POLR2F: variants seen among roughly 807,000 people sequenced by gnomAD.
The protein encoded by POLR2F is RNA polymerase II, I and III subunit F, also known as DNA-directed RNA polymerases I, II, and III subunit RPABC2.
Under a neutral mutation model 22.7 loss-of-function variants are expected in POLR2F, and 12 were observed. That is an observed-to-expected ratio of 0.53 (90% CI 0.34 to 0.86). The LOEUF is 0.86. Ranked by LOEUF, POLR2F falls within the 40% of genes least tolerant of loss-of-function variation. POLR2F has a pLI of 0.02. For missense variants in POLR2F, 126 were observed against 171.5 expected (o/e 0.73, Z 1.48); for synonymous variants, 57 against 66.0 (o/e 0.86, Z 0.66).
intron 1 of POLR2F, among the ~76,000 whole-genome samples, chr22:37,995,903 G>A (rs1340593103): frequency 2.0e-5 from 3 of 152,118 alleles, no homozygotes; most frequent in East Asian, 1.9e-4. Flanking sequence ...GGGAAGCTGA[G>A]TGAGAGAATC....
downstream of POLR2F, chr22:37,974,097 C>T (rs767972523): frequency 8.1e-6 from 13 of 1,613,676 alleles, 1 homozygote; most frequent in African/African-American, 1.3e-5. This position sits in a 1 kb window ranked among gnomAD's most constrained non-coding sequence, Gnocchi z 5.4. Context: ...TGAGGCTTCC[C>T]GCCCTCCCCC....
At chr22:37,993,053 T>A (rs987617860) in intron 1 of POLR2F, among the ~76,000 whole-genome samples, 3 of 152,038 alleles carry the variant, frequency 2.0e-5, no homozygotes, top group Non-Finnish European at 2.9e-5. Context: ...GCATGAGGAT[T>A]AAGAGAGTGG....
chr22:38,029,310 T>C (rs2085044268), downstream of POLR2F, among the ~76,000 whole-genome samples: 1 of 152,196 alleles, frequency 6.6e-6, no homozygotes, highest in African/African-American at 2.4e-5. Flanking sequence ...TAGTGGAGGA[T>C]GACTTGGCTG....
At chr22:37,966,016 A>T (rs1297201459) in intron 3 of POLR2F, among the ~76,000 whole-genome samples, 4 of 152,122 alleles carry the variant, frequency 2.6e-5, no homozygotes, top group Non-Finnish European at 5.9e-5. Context: ...CTCCGTGGTG[A>T]ATCACATGTG....
chr22:38,023,172 G>C (rs756541257), intron 1 of POLR2F, among the ~76,000 whole-genome samples: 1 of 152,232 alleles, frequency 6.6e-6, no homozygotes, highest in Non-Finnish European at 1.5e-5. Context: ...GGTGCCTCCA[G>C]AGTGGTTTTC....
intron 1 of POLR2F, among the ~76,000 whole-genome samples, chr22:38,024,489 T>C (rs529616835): frequency 1.3e-5 from 2 of 152,112 alleles, no homozygotes; most frequent in Non-Finnish European, 2.9e-5. Context: ...TGGTTTTCGG[T>C]CTTAGGGATC....
rs141110859 is a variant in POLR2F, at chr22:38,016,416, C to A, written c.121-9453C>A. On this transcript the variant is annotated intron_variant, in intron 1 of 2. Coordinates refer to the POLR2F transcript ENST00000333418. This position sits in a 1 kb window ranked among gnomAD's most constrained non-coding sequence, Gnocchi z 4.4. ...GCTGCGCTTGACACACGCCCCCATC[C>A]GCCACCTCCCAGAGAAGGGACCATT... Among the ~76,000 whole-genome samples the A allele has an allele frequency of 1.3e-5, 2 of 152,224 alleles. No homozygotes were observed. Among genetic ancestry groups the A allele is most frequent in the Non-Finnish European group, 2.9e-5 (2 of 68,036 alleles).
chr22:38,037,054 G>C (rs992121524), intron 5 of POLR2F, among the ~76,000 whole-genome samples: 1 of 152,160 alleles, frequency 6.6e-6, no homozygotes, highest in Non-Finnish European at 1.5e-5. Context: ...ACTCATGGCT[G>C]CCTGATGTTA....
chr22:37,980,768 T>C lies in POLR2F; in HGVS notation c.293+13598T>C, dbSNP rs977153552. ...GGAATGGGGGCAAGAAGAGGTAGGCTGATTCCTCACCCAAACTGGAAACCC... is the reference window on the plus strand; with the variant it reads ...GGAATGGGGGCAAGAAGAGGTAGGCCGATTCCTCACCCAAACTGGAAACCC... On this transcript the variant is annotated intron_variant, in intron 4 of 4. Coordinates refer to the POLR2F transcript ENST00000405557. This position sits in a 1 kb window ranked among gnomAD's most constrained non-coding sequence, Gnocchi z 4.1. Among the ~76,000 whole-genome samples, 4 of 152,230 alleles carry C rather than the reference T, an allele frequency of 2.6e-5. No homozygotes were observed. Among genetic ancestry groups the C allele is most frequent in the Admixed American group, 6.5e-5 (1 of 15,278 alleles).
At position 37,986,222 on chromosome 22, in the gene POLR2F, A is replaced by G; in HGVS notation, c.32A>G (p.His11Arg). 1.9e-6 allele frequency: 3 copies of G among 1,541,944 alleles called. No homozygotes were observed. The South Asian group carries it at 3.6e-5, about 18-fold the overall frequency. Residue 11 changes from histidine to arginine, a missense_variant, in exon 1 of 3, where the codon CAT becomes CGT. Physicochemically the swap from His to Arg is conservative, Grantham distance 29. Coordinates refer to the POLR2F transcript ENST00000333418. The surrounding 1 kb of genome is among the most constrained non-coding windows in gnomAD (Gnocchi z 4.7). Reference sequence around the variant, plus strand: ...ATGGACAGAGGGACGAGGGACGAGCATCTGCCGTCGTGTCCCGGCTGCCCT... The same window carrying G: ...ATGGACAGAGGGACGAGGGACGAGCGTCTGCCGTCGTGTCCCGGCTGCCCT...
chr22:37,963,739 A>G (rs988384762), intron 3 of POLR2F, among the ~76,000 whole-genome samples: 3 of 152,234 alleles, frequency 2.0e-5, no homozygotes, highest in East Asian at 1.9e-4. Context: ...CTTATTTGCA[A>G]GTTAAACAGT....
upstream of POLR2F, chr22:37,983,577 C>T (rs765329363): frequency 3.1e-6 from 5 of 1,610,336 alleles, no homozygotes; most frequent in Non-Finnish European, 4.2e-6. This position sits in a 1 kb window ranked among gnomAD's most constrained non-coding sequence, Gnocchi z 9.5. Flanking sequence ...CGGATGCACA[C>T]GGGGAACTTG....
intron 1 of POLR2F, among the ~76,000 whole-genome samples, chr22:38,002,927 G>A (rs188275251): frequency 2.0e-5 from 3 of 152,120 alleles, no homozygotes; most frequent in East Asian, 1.9e-4. Flanking sequence ...GGGTTTCACC[G>A]TGTTAGCCAG....
chr22:38,020,027 A>G (rs530506723), intron 1 of POLR2F, among the ~76,000 whole-genome samples: 9 of 151,992 alleles, frequency 5.9e-5, no homozygotes, highest in Admixed American at 5.2e-4. Flanking sequence ...AAAAAAAGAA[A>G]AAACAAAACA....
intron 5 of POLR2F, among the ~76,000 whole-genome samples, chr22:38,034,012 C>A (rs886230175): frequency 2.0e-5 from 3 of 152,178 alleles, no homozygotes; most frequent in Non-Finnish European, 2.9e-5. Flanking sequence ...TCCCAGGGGT[C>A]AAGTGGCTGG....
chr22:38,019,385 C>T (rs2084941289), intron 1 of POLR2F, among the ~76,000 whole-genome samples: 1 of 152,168 alleles, frequency 6.6e-6, no homozygotes, highest in Non-Finnish European at 1.5e-5. Flanking sequence ...TACTGCCCAG[C>T]AGCTGGAGAC....
chr22:37,995,813 G>A (rs1049726255), intron 1 of POLR2F, among the ~76,000 whole-genome samples: 11 of 150,672 alleles, frequency 7.3e-5, no homozygotes, highest in South Asian at 2.1e-4. Flanking sequence ...TTATCATGGC[G>A]AAACCCCATC....
At chr22:38,034,650 T>TG (rs1007022787) in intron 5 of POLR2F, among the ~76,000 whole-genome samples, 4 of 151,884 alleles carry the variant, frequency 2.6e-5, no homozygotes, top group Non-Finnish European at 5.9e-5. Context: ...CTCTGTAAAA[T>TG]GGGGATAATA....
rs1157242811 is a variant in POLR2F, at chr22:37,974,524, TG to T, written c.293+7355del. Among the ~76,000 whole-genome samples, 1 of 152,060 alleles carries T rather than the reference TG, an allele frequency of 6.6e-6. No individual in the cohort carries two copies. The highest frequency in any genetic ancestry group is 1.5e-5 in the Non-Finnish European group (1 of 68,004). On this transcript the variant is annotated intron_variant, in intron 4 of 4. Transcript: ENST00000405557. This position sits in a 1 kb window ranked among gnomAD's most constrained non-coding sequence, Gnocchi z 5.4. ...CCCACCACAATGCCCAGCTAATTTG[TG>T]TATTTTTAGTAGAGACGGGGTTTCA...
Sources: gnomAD v4.1 joint callset for allele counts (sites outside exome capture counted in the v4.1 genomes callset) on GRCh38, gnomAD v4.1.1 for gene constraint, Gnocchi (gnomAD v3.1) non-coding constraint, MANE v1.5 for transcripts, NCBI Gene and HGNC (gene_info 2026-07-23, HGNC 2026-07-21) for gene names.